The following ZNF827 variants were observed in gnomAD, a reference collection of about 807,000 sequenced individuals.
ZNF827 encodes zinc finger protein 827.
ZNF827 carries 13 observed loss-of-function variants against 102.4 expected under a neutral mutation model. That is an observed-to-expected ratio of 0.13 (90% CI 0.08 to 0.20). ZNF827 has a LOEUF of 0.20. Ranked by LOEUF, ZNF827 falls within the 10% of genes least tolerant of loss-of-function variation. The pLI, the probability that ZNF827 is intolerant of heterozygous loss-of-function variation, is 1.00. For missense variants in ZNF827, 1,103 were observed against 1,344.4 expected, an observed-to-expected ratio of 0.82 and a Z score of 2.81; for synonymous variants, 523 against 536.2, an observed-to-expected ratio of 0.98 and a Z score of 0.34.
chr4:145,768,916 T>TATATATATATATATATATATAAAAAA (rs34051922), intron 11 of ZNF827, among the ~76,000 whole-genome samples: 5 of 34,420 alleles, frequency 1.5e-4, no homozygotes, highest in African/African-American at 2.1e-4. Flanking sequence ...TATATATATA[T>TATATATATATATATATATATAAAAAA]TAGGTATACA....
chr4:145,937,641 G>C (rs1001402551), intron 1 of ZNF827, among the ~76,000 whole-genome samples: 15 of 145,750 alleles, frequency 1.0e-4, no homozygotes, highest in African/African-American at 3.5e-4. Context: ...CCGTGTGTTT[G>C]TGTGCGGTGC....
rs573462857 is a variant in ZNF827, at chr4:145,762,716, G to A, written c.*17+374C>T. On this transcript the variant is annotated intron_variant, in intron 14 of 14. Transcript: ENST00000508784. This position sits in a 1 kb window ranked among gnomAD's most constrained non-coding sequence, Gnocchi z 4.9. ...CCTCCTGGCTGTCCAGAGGGGCCACGAGGAGTGGTGAGGCCATGTTAACAA... is the reference window on the plus strand; with the variant it reads ...CCTCCTGGCTGTCCAGAGGGGCCACAAGGAGTGGTGAGGCCATGTTAACAA... Among the ~76,000 whole-genome samples, 15 of 152,300 alleles carry A rather than the reference G, an allele frequency of 9.8e-5. 1 individual carries two copies. The East Asian group carries it at 1.2e-3, about 12-fold the overall frequency.
chr4:145,877,876 A>T (rs1411344169), intron 4 of ZNF827, among the ~76,000 whole-genome samples: 1 of 152,236 alleles, frequency 6.6e-6, no homozygotes, highest in Non-Finnish European at 1.5e-5. Flanking sequence ...TCAAGCCCTA[A>T]GTAAATGTGA....
chr4:145,813,759 T>C (rs1178648392), intron 8 of ZNF827, among the ~76,000 whole-genome samples: 1 of 152,106 alleles, frequency 6.6e-6, no homozygotes, highest in Non-Finnish European at 1.5e-5. Context: ...AGATCTGCAG[T>C]CTAGAAAGAT....
intron 7 of ZNF827, among the ~76,000 whole-genome samples, chr4:145,833,607 C>T (rs184243086): frequency 0.015 from 2,343 of 152,136 alleles, 62 homozygotes; most frequent in African/African-American, 0.052. Flanking sequence ...CGCTTTTCTA[C>T]GGGGCAAGAA....
rs541138526 is a variant in ZNF827 at position 145,762,639 on chromosome 4, C to A, written c.*17+451G>T. 2.0e-5 allele frequency among the ~76,000 whole-genome samples: 3 copies of A among 152,142 alleles called. No individual in the cohort carries two copies. Among genetic ancestry groups the A allele is most frequent in the Non-Finnish European group, 4.4e-5 (3 of 68,030 alleles). On this transcript the variant is annotated intron_variant, in intron 14 of 14. Transcript: ENST00000508784. This position sits in a 1 kb window ranked among gnomAD's most constrained non-coding sequence, Gnocchi z 4.9. ...GAGCTGGACACCCTAGCCTGGGCCT[C>A]TCTGTGGCTCGGTTTCTCCATCCTT...
In ZNF827 at chr4:145,860,543, G is replaced by C. The variant is rs60148800; in HGVS notation, c.1981+9702C>G. Among the ~76,000 whole-genome samples, 26 of 152,252 alleles carry C rather than the reference G, an allele frequency of 1.7e-4. 2 individuals are homozygous for C. The highest frequency in any genetic ancestry group is 1.5e-3 in the East Asian group (8 of 5,188). Reference sequence around the variant, plus strand: ...TACCTAAGATAAAATGTGATGGGTCGCACATAAATTCTATAACCTTCCCTC... The same window carrying C: ...TACCTAAGATAAAATGTGATGGGTCCCACATAAATTCTATAACCTTCCCTC... On this transcript the variant is annotated intron_variant, in intron 5 of 14. Transcript: ENST00000508784.
intron 7 of ZNF827, among the ~76,000 whole-genome samples, chr4:145,828,463 C>T (rs1266681900): frequency 6.6e-6 from 1 of 152,166 alleles, no homozygotes; most frequent in Non-Finnish European, 1.5e-5. Context: ...TCATCTATCA[C>T]AACATATTCC....
intron 8 of ZNF827, among the ~76,000 whole-genome samples, 184 bp from the exon 9 acceptor site, chr4:145,779,695 C>A (rs1317311392): frequency 6.6e-6 from 1 of 152,206 alleles, no homozygotes; most frequent in East Asian, 1.9e-4. Context: ...TTGAAAGCTG[C>A]GGTGGCAAGT....
In ZNF827 at chr4:145,789,494, AT is replaced by A. The variant is rs567003649; in HGVS notation, c.2384-9984del. Among the ~76,000 whole-genome samples, 13 of 152,332 alleles carry A rather than the reference AT, an allele frequency of 8.5e-5. No homozygotes were observed. The South Asian group carries it at 2.5e-3, about 29-fold the overall frequency. ...ATGATGCATTTTACACACATATTTA[AT>A]ATTTAACCTTATAGCAGCACTATGT... is the stretch of plus-strand genomic sequence containing the variant. On this transcript the variant is annotated intron_variant, in intron 8 of 14. Transcript: ENST00000508784.
chr4:145,856,963 G>A (rs374417922), intron 5 of ZNF827, among the ~76,000 whole-genome samples: 106 of 139,232 alleles, frequency 7.6e-4, no homozygotes, highest in Middle Eastern at 0.012. Flanking sequence ...CTTCTTTCTC[G>A]CTCATGCGCG....
intron 1 of ZNF827, among the ~76,000 whole-genome samples, chr4:145,917,035 A>T (rs1752713293): frequency 6.6e-6 from 1 of 151,996 alleles, no homozygotes; most frequent in Admixed American, 6.5e-5. Context: ...ATTAATCTCT[A>T]AGAAGTTTCT....
chr4:145,898,721 G>C (rs567501032), intron 2 of ZNF827, among the ~76,000 whole-genome samples: 2 of 152,254 alleles, frequency 1.3e-5, no homozygotes, highest in African/African-American at 4.8e-5. Context: ...CTATCGAGTG[G>C]TGGACTCTTA....
chr4:145,890,813 C>T (rs1201003697), intron 3 of ZNF827, among the ~76,000 whole-genome samples: 1 of 152,194 alleles, frequency 6.6e-6, no homozygotes, highest in Admixed American at 6.5e-5. Flanking sequence ...ATTCAGCCAA[C>T]CAGAACTCCT....
At chr4:145,929,247 C>T (rs1313427164) in intron 1 of ZNF827, among the ~76,000 whole-genome samples, 1 of 152,146 alleles carries the variant, frequency 6.6e-6, no homozygotes, top group Non-Finnish European at 1.5e-5. Context: ...CCTGCCTTTC[C>T]TTCTTTCTGT....
intron 7 of ZNF827, among the ~76,000 whole-genome samples, chr4:145,826,823 T>C (rs906246072): frequency 1.1e-4 from 17 of 152,168 alleles, no homozygotes; most frequent in African/African-American, 3.9e-4. Context: ...CTTGGCTCAC[T>C]GCAACCTCCG....
chr4:145,829,591 G>A (rs1490151263), intron 7 of ZNF827, among the ~76,000 whole-genome samples: 1 of 152,196 alleles, frequency 6.6e-6, no homozygotes, highest in South Asian at 2.1e-4. Flanking sequence ...TTAAAAACAA[G>A]CTATCTGACT....
At chr4:145,808,356 G>T (rs1170158055) in intron 8 of ZNF827, among the ~76,000 whole-genome samples, 2 of 151,920 alleles carry the variant, frequency 1.3e-5, no homozygotes, top group African/African-American at 4.8e-5. Flanking sequence ...CTATAATACA[G>T]CTGATTTCCC....
intron 2 of ZNF827, among the ~76,000 whole-genome samples, chr4:145,899,198 G>A (rs1225746763): frequency 6.6e-6 from 1 of 152,106 alleles, no homozygotes; most frequent in Non-Finnish European, 1.5e-5. Flanking sequence ...CCATACAGGG[G>A]TGATGACTCT....
Sources: gnomAD v4.1 joint callset for allele counts (sites outside exome capture counted in the v4.1 genomes callset) on GRCh38, gnomAD v4.1.1 for gene constraint, Gnocchi (gnomAD v3.1) non-coding constraint, MANE v1.5 for transcripts, NCBI Gene and HGNC (gene_info 2026-07-23, HGNC 2026-07-21) for gene names.